Variants in ADAP2 observed in about 807,000 individuals in gnomAD.
ADAP2 encodes ArfGAP with dual PH domains 2, also known as arf-GAP with dual PH domain-containing protein 2.
Under a neutral mutation model 54.9 loss-of-function variants are expected in ADAP2, and 42 were observed. The ratio of observed to expected loss-of-function variants is 0.77; its 90% CI spans 0.60 to 0.99. The LOEUF is 0.99. ADAP2 is among the 50% of genes least tolerant of loss of function. The probability of loss-of-function intolerance (pLI) is 0.00; values close to 1 mark genes in which losing one functional copy is unlikely to be tolerated. For missense variants in ADAP2, 429 were observed against 480.4 expected (o/e 0.89, Z 1.00); for synonymous variants, 177 against 180.1 (o/e 0.98, Z 0.14).
chr17:30,954,671 G>T, intron 9 of ADAP2, 116 bp downstream of exon 9: 5 of 835,662 alleles, frequency 6.0e-6, no homozygotes. Context: ...CAGAGCTAGA[G>T]AAACCTTGAG....
chr17:30,923,095 C>T (rs1269255341), intron 2 of ADAP2, 25 bp downstream of exon 2: 1 of 1,611,918 alleles, frequency 6.2e-7, no homozygotes, highest in South Asian at 1.1e-5. Flanking sequence ...CCGTGGAGAG[C>T]CATGGAACTG....
rs116532388 is a variant in ADAP2, at chr17:30,925,885, G to A, written c.226-942G>A. 4.2e-3 allele frequency among the ~76,000 whole-genome samples: 638 copies of A among 152,070 alleles called. 3 individuals are homozygous for A. Among genetic ancestry groups the A allele is most frequent in the African/African-American group, 0.015 (616 of 41,508 alleles). On this transcript the variant is annotated intron_variant, in intron 2 of 10. Transcript: ENST00000330889. ...AGCAATTATCCTGCCTCACCTTTCT[G>A]TGTCCTGGCTAATTTTTGTATTTTT...
chr17:30,946,415 C>G (rs1442344185), intron 6 of ADAP2, among the ~76,000 whole-genome samples: 1 of 152,150 alleles, frequency 6.6e-6, no homozygotes, highest in Non-Finnish European at 1.5e-5. Context: ...CACAGAGTTT[C>G]ACTATGTTGG....
chr17:30,953,342 G>A lies in ADAP2; in HGVS notation c.796G>A (p.Gly266Arg). The change falls in exon 8 of 11, where the codon GGG becomes AGG. Residue 266 changes from glycine to arginine, a missense_variant. By Grantham distance (125) the Gly-to-Arg change is moderately radical (BLOSUM62 -2). Coordinates refer to ENST00000330889, the MANE Select transcript of ADAP2 (RefSeq NM_018404.3). Reference sequence around the variant, plus strand: ...CAAACAAGGCTTCATGGAAAAGACTGGGCCAAAGGTACCTTCTATCACTCC... The same window carrying A: ...CAAACAAGGCTTCATGGAAAAGACTAGGCCAAAGGTACCTTCTATCACTCC... ...YLKQGFMEKTGPKQKEPFKKR... is the reference protein window; with the variant it reads ...YLKQGFMEKTRPKQKEPFKKR... 7 of 1,613,868 alleles carry A rather than the reference G, an allele frequency of 4.3e-6. No homozygotes were observed. Among genetic ancestry groups the A allele is most frequent in the Non-Finnish European group, 5.9e-6 (7 of 1,179,934 alleles).
At chr17:30,929,126 T>C (rs1454298885) in intron 3 of ADAP2, among the ~76,000 whole-genome samples, 1 of 152,220 alleles carries the variant, frequency 6.6e-6, no homozygotes, top group East Asian at 1.9e-4. Context: ...CAGTTTTGTT[T>C]CCTAGCTCTA....
intron 4 of ADAP2, 137 bp downstream of exon 4, chr17:30,932,105 G>A (rs1911532707): frequency 1.4e-6 from 1 of 718,306 alleles, no homozygotes; most frequent in Admixed American, 2.8e-5. Flanking sequence ...CAAGGTGTGG[G>A]TTCTTCTGAC....
chr17:30,951,811 G>A lies in ADAP2; in HGVS notation c.742-1477G>A, dbSNP rs561068345. Among the ~76,000 whole-genome samples the A allele has an allele frequency of 4.2e-4, 63 of 151,588 alleles. 1 individual carries two copies. The highest frequency in any genetic ancestry group is 1.7e-3 in the South Asian group (8 of 4,808). On this transcript the variant is annotated intron_variant, in intron 7 of 10. Transcript: ENST00000330889. ...GCTGGGACTACAGGCGCTCGCCACTGCACCCGGCTACTTTTTTGTATTTTT... is the reference window on the plus strand; with the variant it reads ...GCTGGGACTACAGGCGCTCGCCACTACACCCGGCTACTTTTTTGTATTTTT...
chr17:30,933,689 G>A lies in ADAP2; in HGVS notation c.398-496G>A, dbSNP rs529802506. On this transcript the variant is annotated intron_variant, in intron 4 of 10. Coordinates refer to ENST00000330889, the MANE Select transcript of ADAP2 (RefSeq NM_018404.3). ...TAATTTTTGTATTTTTAGTAGAGAC[G>A]GGGTTTCACCATGTTGGTCAGGCTG... 2.6e-3 allele frequency among the ~76,000 whole-genome samples: 397 copies of A among 152,208 alleles called. 1 individual carries two copies. The highest frequency in any genetic ancestry group is 9.0e-3 in the African/African-American group (372 of 41,530).
chr17:30,954,598 T>C (rs1392088298), intron 9 of ADAP2, 43 bp downstream of exon 9: 1 of 1,525,092 alleles, frequency 6.6e-7, no homozygotes, highest in Non-Finnish European at 9.1e-7. Flanking sequence ...TCCTCAAACA[T>C]TGCTGGGTGG....
In ADAP2 at chr17:30,950,091, A is replaced by C. The variant is rs1472856369; in HGVS notation, c.741+721A>C. 2.0e-5 allele frequency among the ~76,000 whole-genome samples: 3 copies of C among 152,250 alleles called. No individual in the cohort carries two copies. In the East Asian group the frequency reaches 5.8e-4, roughly 29 times the overall value. ...AGGGGTGATTATTTCCATTTCACTG[A>C]TGAGTTATACAGTCCCAGGAAGGGC... On this transcript the variant is annotated intron_variant, in intron 7 of 10. Coordinates refer to ENST00000330889, the MANE Select transcript of ADAP2 (RefSeq NM_018404.3).
chr17:30,938,169 T>C (rs1912022353), intron 5 of ADAP2, among the ~76,000 whole-genome samples: 1 of 152,218 alleles, frequency 6.6e-6, no homozygotes, highest in African/African-American at 2.4e-5. Context: ...GGGTCAGGAA[T>C]TTGAGGAGGC....
In ADAP2 at chr17:30,944,971, T is replaced by C; in HGVS notation, c.575T>C (p.Ile192Thr). 6.2e-7 allele frequency: 1 copy of C among 1,614,082 alleles called. No individual in the cohort carries two copies. The highest frequency in any genetic ancestry group is 8.5e-7 in the Non-Finnish European group (1 of 1,179,994). ...AATGCCACCTTCCAGACAGAGAAGA[T>C]AGGGCACCCCCATGGGCTGCAGATC... ...DLNATFQTEKIGHPHGLQITY... is the reference protein window; with the variant it reads ...DLNATFQTEKTGHPHGLQITY... Residue 192 changes from isoleucine (I) to threonine (T), a missense_variant, in exon 6 of 11, where the codon ATA (isoleucine) becomes ACA (threonine). Physicochemically the swap from Ile to Thr is moderately conservative, Grantham distance 89 (BLOSUM62 -1). Transcript: ENST00000330889.
Position 30,958,527 on chromosome 17 carries a change from C to T in ADAP2, c.*658C>T, listed in dbSNP as rs961339694. 2.0e-5 allele frequency: 3 copies of T among 152,368 alleles called. No individual in the cohort carries two copies. Among genetic ancestry groups the T allele is most frequent in the African/African-American group, 4.8e-5 (2 of 41,456 alleles). The allele number at this position is 152,368 out of a possible 1,614,324, so 9.4% of individuals were successfully genotyped here. A position where few individuals can be genotyped will look rare whatever the true frequency, so the allele number is the denominator to read the frequency against. On this transcript the variant is annotated 3_prime_UTR_variant, in exon 11 of 11. Coordinates refer to ENST00000330889, the MANE Select transcript of ADAP2 (RefSeq NM_018404.3). ...CTTTCCTCTGTCTTCAAGCACCACG[C>T]AGAAATACACTGGATGTTCTCTCTT...
chr17:30,933,719 T>C (rs1417322025), intron 4 of ADAP2, among the ~76,000 whole-genome samples: 6 of 152,120 alleles, frequency 3.9e-5, no homozygotes, highest in Non-Finnish European at 4.4e-5. Context: ...AGGCTGGTCT[T>C]GAACTCCCGA....
intron 2 of ADAP2, among the ~76,000 whole-genome samples, chr17:30,925,736 C>T (rs1911014236): frequency 6.6e-6 from 1 of 151,830 alleles, no homozygotes; most frequent in South Asian, 2.1e-4. Context: ...GCTAGGATTA[C>T]AGGCGTGCAC....
rs1910650030 is a variant in ADAP2 at position 30,922,090 on chromosome 17, G to A, written c.76G>A (p.Ala26Thr). 1 of 1,252,384 alleles carries A rather than the reference G, an allele frequency of 8.0e-7. No individual in the cohort carries two copies. The highest frequency in any genetic ancestry group is 1.0e-6 in the Non-Finnish European group (1 of 1,000,628). 77.6% of individuals were successfully genotyped at this position (1,252,384 alleles called of 1,614,324 possible). A position where few individuals can be genotyped will look rare whatever the true frequency, so the allele number is the denominator to read the frequency against. Reference sequence around the variant, plus strand: ...GCCGGACACAGGCAACGCGCACTGCGCCGACTGCGGGGCGGCAGGTAAGGG... The same window carrying A: ...GCCGGACACAGGCAACGCGCACTGCACCGACTGCGGGGCGGCAGGTAAGGG... ...RAPDTGNAHC[A>T]DCGAADPDWA... is the part of the protein sequence containing the mutation. The change falls in exon 1 of 11, where the codon GCC becomes ACC. Residue 26 changes from alanine (A) to threonine (T), a missense_variant. Coordinates refer to ENST00000330889, the MANE Select transcript of ADAP2 (RefSeq NM_018404.3).
At chr17:30,949,123 C>T (rs1157989555) in intron 6 of ADAP2, among the ~76,000 whole-genome samples, 164 bp from the exon 7 acceptor site, 1 of 152,208 alleles carries the variant, frequency 6.6e-6, no homozygotes, top group Non-Finnish European at 1.5e-5. Context: ...GAGGCTCTGA[C>T]ACAATCCTCC....
chr17:30,955,563 C>T (rs963965063), intron 9 of ADAP2, among the ~76,000 whole-genome samples: 10 of 151,768 alleles, frequency 6.6e-5, no homozygotes, highest in Admixed American at 3.3e-4. Flanking sequence ...AAAAATTAGC[C>T]GGACGTGGTG....
At position 30,932,896 on chromosome 17, in the gene ADAP2, A is replaced by C. The variant is rs571505761; in HGVS notation, c.397+928A>C. 4.6e-5 allele frequency among the ~76,000 whole-genome samples: 7 copies of C among 151,896 alleles called. No individual in the cohort carries two copies. In the South Asian group the frequency reaches 1.2e-3, roughly 27 times the overall value. On this transcript the variant is annotated intron_variant, in intron 4 of 10. Coordinates refer to ENST00000330889, the MANE Select transcript of ADAP2 (RefSeq NM_018404.3). ...AACACTTAATGTAAATTGCAGAAAG[A>C]CTCCTCCACTGGACAGACCAATTAG... is the stretch of plus-strand genomic sequence containing the variant.
Sources: gnomAD v4.1 joint callset for allele counts (sites outside exome capture counted in the v4.1 genomes callset) on GRCh38, gnomAD v4.1.1 for gene constraint, MANE v1.5 for transcripts, NCBI Gene and HGNC (gene_info 2026-07-23, HGNC 2026-07-21) for gene names.